The following ZDHHC1 variants were observed in gnomAD, a reference collection of about 807,000 sequenced individuals.
ZDHHC1 encodes the protein zDHHC palmitoyltransferase 1, also known as palmitoyltransferase ZDHHC1.
Under a neutral mutation model 46.9 loss-of-function variants are expected in ZDHHC1, and 45 were observed. That is an observed-to-expected ratio of 0.96 (90% CI 0.76 to 1.23). ZDHHC1 has a LOEUF of 1.23. Among genes scored for constraint, ZDHHC1 ranks in the 50% most tolerant of loss-of-function variants. The pLI is 0.00. For missense variants in ZDHHC1, 649 were observed against 670.8 expected, an observed-to-expected ratio of 0.97 and a Z score of 0.36; for synonymous variants, 291 against 286.0, an observed-to-expected ratio of 1.02 and a Z score of -0.18.
chr16:67,398,679 C>T lies in ZDHHC1; in HGVS notation c.708G>A (p.Val236=). Residue 236 remains valine (V), a synonymous_variant, in exon 7 of 12, where the codon GTG becomes GTA. Transcript: ENST00000565726. ...VWFVFLPAAP[V]ETQAPAILAL... Reference sequence around the variant, plus strand: ...CCAGGATGGCAGGGGCCTGGGTCTCCACGGGGGCGGCAGGCAGGAACACGA... The same window carrying T: ...CCAGGATGGCAGGGGCCTGGGTCTCTACGGGGGCGGCAGGCAGGAACACGA... 2 of 1,607,946 alleles carry T rather than the reference C, an allele frequency of 1.2e-6. No individual in the cohort carries two copies. The highest frequency in any genetic ancestry group is 1.7e-6 in the Non-Finnish European group (2 of 1,178,040).
At chr16:67,404,520 C>T in intron 3 of ZDHHC1, 1 of 355,648 alleles carries the variant, frequency 2.8e-6, no homozygotes. Flanking sequence ...GGAAGGAGAG[C>T]ATATAGGCTG....
At position 67,406,652 on chromosome 16, in the gene ZDHHC1, C is replaced by T. The variant is rs1359851579; in HGVS notation, c.10-210G>A. 6.6e-6 allele frequency among the ~76,000 whole-genome samples: 1 copy of T among 152,150 alleles called. No homozygotes were observed. The highest frequency in any genetic ancestry group is 1.5e-5 in the Non-Finnish European group (1 of 68,026). ...TCAAAGCCCAAAGCAAACCCTGGCC[C>T]TAGACTGGCCAGGACAAGGTAGGAG... On this transcript the variant is annotated intron_variant, in intron 2 of 11. Coordinates refer to ENST00000565726, the MANE Select transcript of ZDHHC1 (RefSeq NM_001323627.2). The surrounding 1 kb of genome is among the most constrained non-coding windows in gnomAD (Gnocchi z 4.1).
In ZDHHC1 at chr16:67,401,196, A is replaced by G. The variant is rs2040547853; in HGVS notation, c.253-64T>C. The G allele has an allele frequency of 1.3e-6, 2 of 1,579,080 alleles. No individual in the cohort carries two copies. Among genetic ancestry groups the G allele is most frequent in the Admixed American group, 1.7e-5 (1 of 57,162 alleles). On this transcript the variant is annotated intron_variant, in intron 3 of 11. Transcript: ENST00000565726. This position sits in a 1 kb window ranked among gnomAD's most constrained non-coding sequence, Gnocchi z 4.6. Reference sequence around the variant, plus strand: ...CTGGGAGTCCTGCCCCGTTCCTTGCAGCCAGAGAACTCCCCACTGCCATGC... The same window carrying G: ...CTGGGAGTCCTGCCCCGTTCCTTGCGGCCAGAGAACTCCCCACTGCCATGC...
chr16:67,396,268 G>C (rs1012316941), intron 8 of ZDHHC1: 1 of 152,138 alleles, frequency 6.6e-6, no homozygotes, highest in Non-Finnish European at 1.5e-5. Flanking sequence ...ACCCCCGCCC[G>C]CAGGACTCGC....
chr16:67,407,305 G>C (rs1037044281), intron 2 of ZDHHC1, among the ~76,000 whole-genome samples: 3 of 152,204 alleles, frequency 2.0e-5, no homozygotes, highest in Non-Finnish European at 4.4e-5. Context: ...GGCCCAAGAT[G>C]GGACAACAGC....
Position 67,398,314 on chromosome 16 carries a change from C to T in ZDHHC1, c.825G>A (p.Lys275=). ...GCACGATGTACTCATAGGTGGTGAG[C>T]TTGTGCCACACTGGTGGGGGGAGGA... The part of the protein sequence containing the change: ...LCFHIYLMWH[K]LTTYEYIVQH... The change falls in exon 8 of 12, where the codon AAG becomes AAA. Residue 275 remains lysine (K), a synonymous_variant. Coordinates refer to ENST00000565726, the MANE Select transcript of ZDHHC1 (RefSeq NM_001323627.2). The T allele has an allele frequency of 6.2e-7, 1 of 1,613,318 alleles. No individual in the cohort carries two copies. Among genetic ancestry groups the T allele is most frequent in the Non-Finnish European group, 8.5e-7 (1 of 1,179,606 alleles).
At position 67,398,836 on chromosome 16, in the gene ZDHHC1, G is replaced by T. The variant is rs1411881742; in HGVS notation, c.639C>A (p.Thr213=). ...TAAACTGACCTTCAAAGTGTCGGTT[G>T]GTGCGCAGACGCATGGGGTTGACAA... ...EFFVNPMRLR[T]NRHFEVLKNH... Residue 213 remains threonine, a synonymous_variant, in exon 6 of 12, where the codon ACC becomes ACA. Transcript: ENST00000565726. 6.2e-7 allele frequency: 1 copy of T among 1,612,804 alleles called. No homozygotes were observed.
rs1567520631 is a variant in ZDHHC1, at chr16:67,406,187, T to C, written c.252+13A>G. 1.2e-6 allele frequency: 2 copies of C among 1,613,026 alleles called. No homozygotes were observed. Among genetic ancestry groups the C allele is most frequent in the Non-Finnish European group, 1.7e-6 (2 of 1,179,490 alleles). On this transcript the variant is annotated intron_variant, in intron 3 of 11. Coordinates refer to ENST00000565726, the MANE Select transcript of ZDHHC1 (RefSeq NM_001323627.2). The surrounding 1 kb of genome is among the most constrained non-coding windows in gnomAD (Gnocchi z 4.1). ...CACTTCCACACACCAGCCCTACGCT[T>C]TCCCAAGGATACAGCGTAGCCAGCG...
In ZDHHC1 at chr16:67,398,560, A is replaced by G. The variant is rs2142228525; in HGVS notation, c.814+13T>C. ...CCCCTGCGTTCCAGAAGGCAGGTGC[A>G]GGAGGCACTTACTGAGATAAATGTG... On this transcript the variant is annotated intron_variant, in intron 7 of 11. Transcript: ENST00000565726. The G allele has an allele frequency of 1.9e-6, 3 of 1,588,946 alleles. No individual in the cohort carries two copies. The highest frequency in any genetic ancestry group is 2.6e-6 in the Non-Finnish European group (3 of 1,171,016).
chr16:67,415,758 C>T (rs1399533583), intron 1 of ZDHHC1, among the ~76,000 whole-genome samples: 1 of 152,190 alleles, frequency 6.6e-6, no homozygotes, highest in African/African-American at 2.4e-5. Flanking sequence ...GAAACTCCGT[C>T]TCAAAGAAAA....
intron 4 of ZDHHC1, 134 bp from the exon 5 acceptor site, chr16:67,399,590 G>A (rs1307313068): frequency 1.5e-6 from 1 of 670,236 alleles, no homozygotes; most frequent in Non-Finnish European, 2.4e-6. Flanking sequence ...GAGGCGACGA[G>A]GAGCGCGCGC....
Position 67,416,378 on chromosome 16 carries a change from T to TGGCCCCGGCTCC in ZDHHC1, c.-247_-246insGGAGCCGGGGCC. ...CCGGTGAGTCCTCGAGCTCTGGCTC[T>TGGCCCCGGCTCC]GGCTCCGGCTCCGGCTCCGGCTCCG... On this transcript the variant is annotated 5_prime_UTR_variant, in exon 1 of 12. Coordinates refer to ENST00000565726, the MANE Select transcript of ZDHHC1 (RefSeq NM_001323627.2). 1 of 202,658 alleles carries TGGCCCCGGCTCC rather than the reference T, an allele frequency of 4.9e-6. No individual in the cohort carries two copies. The highest frequency in any genetic ancestry group is 5.5e-5 in the South Asian group (1 of 18,040). 12.6% of individuals were successfully genotyped at this position (202,658 alleles called of 1,614,324 possible). A position where few individuals can be genotyped will look rare whatever the true frequency, so the allele number is the denominator to read the frequency against.
In ZDHHC1 at chr16:67,394,471, A is replaced by C; in HGVS notation, c.*139T>G. 8 of 626,372 alleles carry C rather than the reference A, an allele frequency of 1.3e-5. No homozygotes were observed. Among genetic ancestry groups the C allele is most frequent in the East Asian group, 6.7e-5 (1 of 14,850 alleles). The allele number at this position is 626,372 out of a possible 1,614,324, so 38.8% of individuals were successfully genotyped here. A position where few individuals can be genotyped will look rare whatever the true frequency, so the allele number is the denominator to read the frequency against. Reference sequence around the variant, plus strand: ...GAGCATCACAGCCGGTGGGGCGGGTATTGCTGAGTCGTGGGGGAGGGAGGC... The same window carrying C: ...GAGCATCACAGCCGGTGGGGCGGGTCTTGCTGAGTCGTGGGGGAGGGAGGC... On this transcript the variant is annotated 3_prime_UTR_variant, in exon 12 of 12. Coordinates refer to ENST00000565726, the MANE Select transcript of ZDHHC1 (RefSeq NM_001323627.2).
chr16:67,399,920 T>C (rs984416594), intron 4 of ZDHHC1, among the ~76,000 whole-genome samples: 3 of 152,190 alleles, frequency 2.0e-5, no homozygotes, highest in Non-Finnish European at 4.4e-5. Context: ...CTGGCATTTT[T>C]CCAGAAACTT....
intron 2 of ZDHHC1, among the ~76,000 whole-genome samples, chr16:67,407,419 G>A (rs1020574309): frequency 5.3e-5 from 8 of 152,218 alleles, no homozygotes; most frequent in Admixed American, 1.3e-4. Context: ...CTCCTTTCAG[G>A]AGCCCCTGCC....
chr16:67,408,454 C>T (rs1167366965), intron 1 of ZDHHC1, among the ~76,000 whole-genome samples: 6 of 151,798 alleles, frequency 4.0e-5, no homozygotes, highest in African/African-American at 7.3e-5. Flanking sequence ...GGATTAGAGG[C>T]GTGAGCCACC....
At chr16:67,400,846 T>TC in intron 4 of ZDHHC1, 111 bp downstream of exon 4, 15 of 1,315,674 alleles carry the variant, frequency 1.1e-5, no homozygotes, top group Non-Finnish European at 1.4e-5. Context: ...CTTGACTGCA[T>TC]AAAACATGAG....
chr16:67,404,298 T>A (rs1335273196), intron 3 of ZDHHC1: 1 of 167,100 alleles, frequency 6.0e-6, no homozygotes, highest in African/African-American at 2.4e-5. Context: ...CTGCTTGCCC[T>A]CACAGTCTGC....
rs373197095 is a variant in ZDHHC1 at position 67,398,532 on chromosome 16, G to A, written c.814+41C>T. The A allele has an allele frequency of 5.1e-6, 8 of 1,561,450 alleles. No individual in the cohort carries two copies. The South Asian group carries it at 7.0e-5, about 14-fold the overall frequency. ...AACTGGGCACCTTCCTGCAATCTGAGGACCCCTGCGTTCCAGAAGGCAGGT... is the reference window on the plus strand; with the variant it reads ...AACTGGGCACCTTCCTGCAATCTGAAGACCCCTGCGTTCCAGAAGGCAGGT... On this transcript the variant is annotated intron_variant, in intron 7 of 11. Coordinates refer to ENST00000565726, the MANE Select transcript of ZDHHC1 (RefSeq NM_001323627.2).
Sources: allele counts gnomAD v4.1 joint callset (sites outside exome capture counted in the v4.1 genomes callset), GRCh38; gene constraint gnomAD v4.1.1; non-coding constraint Gnocchi (gnomAD v3.1); transcripts MANE v1.5; gene names NCBI Gene and HGNC (gene_info 2026-07-23, HGNC 2026-07-21).